Variants in PHLPP2 observed in about 807,000 individuals in gnomAD.
PHLPP2 encodes PH domain and leucine rich repeat protein phosphatase 2, also known as PH domain leucine-rich repeat-containing protein phosphatase 2.
Under a neutral mutation model 124.9 loss-of-function variants are expected in PHLPP2, and 66 were observed. That is an observed-to-expected ratio of 0.53 (90% CI 0.43 to 0.65). PHLPP2 has a LOEUF of 0.65. PHLPP2 is among the 30% of genes least tolerant of loss of function. The probability of loss-of-function intolerance (pLI) is 0.00; values close to 1 mark genes in which losing one functional copy is unlikely to be tolerated. For missense variants in PHLPP2, 1,685 were observed against 1,600.4 expected, an observed-to-expected ratio of 1.05 and a Z score of -0.90; for synonymous variants, 681 against 624.7, an observed-to-expected ratio of 1.09 and a Z score of -1.34.
chr16:71,660,421 ATTTTTTT>A (rs34944080), intron 13 of PHLPP2, among the ~76,000 whole-genome samples: 2 of 72,630 alleles, frequency 2.8e-5, no homozygotes, highest in Non-Finnish European at 4.6e-5. Flanking sequence ...TATACACTGT[ATTTTTTT>A]TTTTTTTTTT....
At chr16:71,682,183 C>A (rs11866019) in intron 5 of PHLPP2, among the ~76,000 whole-genome samples, 12,880 of 149,176 alleles carry the variant, frequency 0.086, 577 homozygotes, top group Middle Eastern at 0.11. Context: ...ACACTTCATG[C>A]AAGAAGTAAT....
intron 12 of PHLPP2, among the ~76,000 whole-genome samples, chr16:71,664,713 C>T: frequency 6.6e-6 from 1 of 152,138 alleles, no homozygotes; most frequent in East Asian, 1.9e-4. Context: ...GATCGTGCCA[C>T]TGCACTCCAG....
intron 13 of PHLPP2, among the ~76,000 whole-genome samples, chr16:71,661,654 A>G (rs1383263463): frequency 6.6e-6 from 1 of 152,064 alleles, no homozygotes; most frequent in Non-Finnish European, 1.5e-5. Context: ...AAAAAATGTA[A>G]AAGTAAAAAG....
chr16:71,714,949 T>A, intron 1 of PHLPP2, 148 bp from the exon 2 acceptor site: 1 of 943,738 alleles, frequency 1.1e-6, no homozygotes, highest in East Asian at 2.7e-5. Flanking sequence ...ACATCTATCA[T>A]GCTCATTCGT....
At position 71,674,078 on chromosome 16, in the gene PHLPP2, C is replaced by CTT. The variant is rs35193489; in HGVS notation, c.1472-1758_1472-1757dup. 3.2e-3 allele frequency among the ~76,000 whole-genome samples: 447 copies of CTT among 139,492 alleles called. 5 individuals carry two copies. The highest frequency in any genetic ancestry group is 0.011 in the African/African-American group (415 of 38,304). 91.5% of individuals were successfully genotyped at this position (139,492 alleles called of 152,430 possible). ...TACATTCTGCTTTATATGTGGCAGA[C>CTT]TTTTTTTTTTTTTTTTGAGATGGAG... On this transcript the variant is annotated intron_variant, in intron 9 of 18. Transcript: ENST00000568954.
chr16:71,723,719 G>T, intron 1 of PHLPP2: 2 of 925,612 alleles, frequency 2.2e-6, no homozygotes, highest in Middle Eastern at 3.8e-4. Context: ...TCCCTAGTCC[G>T]CTTGCCCGCT....
intron 10 of PHLPP2, 127 bp from the exon 11 acceptor site, chr16:71,669,497 C>A: frequency 1.6e-6 from 1 of 640,930 alleles, no homozygotes. Flanking sequence ...TCCAAGGCAT[C>A]CCTTGGAACA....
At chr16:71,719,988 T>TTTTTTTTTTTTTTTTA (rs869036837) in intron 1 of PHLPP2, among the ~76,000 whole-genome samples, 2 of 139,058 alleles carry the variant, frequency 1.4e-5, no homozygotes, top group Non-Finnish European at 3.2e-5. Flanking sequence ...TTTTTTTTTT[T>TTTTTTTTTTTTTTTTA]GAGACGGAGT....
chr16:71,676,790 G>A (rs183343976), intron 8 of PHLPP2, 141 bp from the exon 9 acceptor site: 48 of 637,020 alleles, frequency 7.5e-5, no homozygotes, highest in Admixed American at 5.3e-4. Flanking sequence ...ACTGTGTTGC[G>A]CAGGCTGGAG....
At chr16:71,703,294 C>T (rs1335208033) in intron 2 of PHLPP2, among the ~76,000 whole-genome samples, 1 of 152,074 alleles carries the variant, frequency 6.6e-6, no homozygotes, top group East Asian at 1.9e-4. Context: ...CTTTTGTTTA[C>T]ATGTGTTATA....
At position 71,681,766 on chromosome 16, in the gene PHLPP2, A is replaced by T. The variant is rs2145340680; in HGVS notation, c.875T>A (p.Leu292His). 1.2e-6 allele frequency: 2 copies of T among 1,613,374 alleles called. No homozygotes were observed. The highest frequency in any genetic ancestry group is 4.5e-5 in the East Asian group (2 of 44,856). ...CTCCACATACTTGTAGAGTGTATCG[A>T]GGCCTCCGGGTCTTTCTAACTGCAT... ...NFMQLERPGG[L>H]DTLYKFSQLK... Residue 292 changes from leucine to histidine, a missense_variant, in exon 6 of 19, where the codon CTC becomes CAC. Physicochemically the swap from Leu to His is moderately conservative, Grantham distance 99. Transcript: ENST00000568954.
intron 2 of PHLPP2, among the ~76,000 whole-genome samples, chr16:71,705,296 A>G (rs1245964103): frequency 2.0e-5 from 3 of 152,208 alleles, no homozygotes; most frequent in Non-Finnish European, 4.4e-5. Flanking sequence ...TTTAAACACT[A>G]TAATTCCATA....
At chr16:71,678,722 T>C (rs779707382) in intron 8 of PHLPP2, 33 bp downstream of exon 8, 4 of 1,100,628 alleles carry the variant, frequency 3.6e-6, no homozygotes, top group South Asian at 2.5e-5. Flanking sequence ...CCAGAGTCAA[T>C]TTAAAGGAAG....
At chr16:71,686,992 A>C (rs1029743502) in intron 4 of PHLPP2, among the ~76,000 whole-genome samples, 5 of 152,242 alleles carry the variant, frequency 3.3e-5, no homozygotes, top group Non-Finnish European at 7.3e-5. Flanking sequence ...CACACGTTTA[A>C]TTTTACAAAA....
Position 71,714,501 on chromosome 16 carries a change from T to C in PHLPP2, c.284+11A>G. ...TACGGTAGAATTAGAGTGGTAAAACTGAGACCTCACCTGACCAGGTCTCCA... is the reference window on the plus strand; with the variant it reads ...TACGGTAGAATTAGAGTGGTAAAACCGAGACCTCACCTGACCAGGTCTCCA... On this transcript the variant is annotated intron_variant, in intron 2 of 18. Transcript: ENST00000568954. 2 of 1,584,848 alleles carry C rather than the reference T, an allele frequency of 1.3e-6. No homozygotes were observed. The highest frequency in any genetic ancestry group is 4.5e-5 in the East Asian group (2 of 44,592).
At chr16:71,657,274 T>A (rs1422339325) in intron 15 of PHLPP2, among the ~76,000 whole-genome samples, 1 of 151,766 alleles carries the variant, frequency 6.6e-6, no homozygotes, top group Admixed American at 6.6e-5. Context: ...GATGGAGTTT[T>A]GTCATGTTGA....
At chr16:71,711,338 A>T (rs2045323002) in intron 2 of PHLPP2, among the ~76,000 whole-genome samples, 2 of 152,170 alleles carry the variant, frequency 1.3e-5, no homozygotes, top group African/African-American at 2.4e-5. Flanking sequence ...TCTCAAAAAA[A>T]AAAAAAGGAA....
intron 1 of PHLPP2, among the ~76,000 whole-genome samples, chr16:71,716,008 C>CT (rs1328023257): frequency 6.7e-6 from 1 of 149,130 alleles, no homozygotes; most frequent in African/African-American, 2.5e-5. Context: ...AAAAAAAAAA[C>CT]TTTAATCTAT....
Position 71,663,886 on chromosome 16 carries a change from G to A in PHLPP2, c.1985+13C>T. On this transcript the variant is annotated intron_variant, in intron 13 of 18. Transcript: ENST00000568954. ...TGTGTATTTGAAATGATCAAAGTTT[G>A]CATTCATTTTACCTTGCAGGAAAGG... 2 of 1,590,430 alleles carry A rather than the reference G, an allele frequency of 1.3e-6. No homozygotes were observed. The highest frequency in any genetic ancestry group is 1.7e-6 in the Non-Finnish European group (2 of 1,158,324).
Sources: allele counts gnomAD v4.1 joint callset (sites outside exome capture counted in the v4.1 genomes callset), GRCh38; gene constraint gnomAD v4.1.1; transcripts MANE v1.5; gene names NCBI Gene and HGNC (gene_info 2026-07-23, HGNC 2026-07-21).